The following DOCK1 variants were observed in gnomAD, a reference collection of about 807,000 sequenced individuals.
DOCK1 encodes the protein dedicator of cytokinesis 1.
A neutral mutation model predicts 262.7 loss-of-function variants in DOCK1; 138 were observed. The ratio of observed to expected loss-of-function variants is 0.53; its 90% CI spans 0.46 to 0.61. DOCK1 has a LOEUF of 0.61. Ranked by LOEUF, DOCK1 falls within the 20% of genes least tolerant of loss-of-function variation. The pLI is 0.00. For synonymous variants in DOCK1, 866 were observed against 867.4 expected, an observed-to-expected ratio of 1.00 and a Z score of 0.03; for missense variants, 1,908 against 2,370.7, an observed-to-expected ratio of 0.80 and a Z score of 4.05.
intron 48 of DOCK1, among the ~76,000 whole-genome samples, chr10:127,433,900 G>A (rs1371848057): frequency 6.6e-6 from 1 of 151,668 alleles, no homozygotes. Flanking sequence ...TGTGGCCCAA[G>A]ACAATTCTTC....
intron 46 of DOCK1, among the ~76,000 whole-genome samples, chr10:127,422,719 G>A (rs966643904): frequency 1.3e-5 from 2 of 152,164 alleles, no homozygotes; most frequent in African/African-American, 4.8e-5. Context: ...AAAAAAGTGG[G>A]AGAGAGTTTA....
At chr10:127,238,469 T>C (rs1296653014) in intron 27 of DOCK1, among the ~76,000 whole-genome samples, 1 of 152,112 alleles carries the variant, frequency 6.6e-6, no homozygotes, top group Admixed American at 6.5e-5. Context: ...GTTGAAACCT[T>C]CAGTTATCAA....
At chr10:126,943,261 AAAAC>A (rs1369842987) in intron 1 of DOCK1, among the ~76,000 whole-genome samples, 1 of 152,226 alleles carries the variant, frequency 6.6e-6, no homozygotes, top group African/African-American at 2.4e-5. Flanking sequence ...TCAAAAAATA[AAAAC>A]AAACAAATGA....
At chr10:127,044,184 AC>A (rs1005500411) in intron 21 of DOCK1, among the ~76,000 whole-genome samples, 3 of 152,172 alleles carry the variant, frequency 2.0e-5, no homozygotes, top group Non-Finnish European at 4.4e-5. Context: ...TCTTCAACAT[AC>A]TTTGCAAAAT....
intron 27 of DOCK1, chr10:127,138,161 A>C (rs926258074): frequency 2.8e-6 from 2 of 723,184 alleles, no homozygotes; most frequent in African/African-American, 1.8e-5. Flanking sequence ...TCGATATACT[A>C]TGTTTTAGCT....
At chr10:126,916,968 G>T (rs1591304057) in intron 1 of DOCK1, among the ~76,000 whole-genome samples, 1 of 144,242 alleles carries the variant, frequency 6.9e-6, no homozygotes, top group South Asian at 2.4e-4. Flanking sequence ...AGAGAGACAG[G>T]TGGGAGCTGT....
chr10:127,195,482 C>T (rs1403443175), intron 27 of DOCK1, among the ~76,000 whole-genome samples: 1 of 152,190 alleles, frequency 6.6e-6, no homozygotes, highest in Admixed American at 6.5e-5. Flanking sequence ...GCTCGCGCCT[C>T]TCCTCAACGG....
intron 7 of DOCK1, chr10:126,997,769 T>C: frequency 3.4e-6 from 1 of 290,372 alleles, no homozygotes; most frequent in South Asian, 4.6e-5. Context: ...CAGATGTCCT[T>C]GGAGGGTTTA....
chr10:127,099,839 C>G (rs1446948449), intron 23 of DOCK1, among the ~76,000 whole-genome samples: 1 of 152,230 alleles, frequency 6.6e-6, no homozygotes, highest in South Asian at 2.1e-4. Flanking sequence ...GTGTCCTGGA[C>G]GAAATGATGT....
At chr10:127,301,812 G>T (rs1267403574) in intron 29 of DOCK1, among the ~76,000 whole-genome samples, 1 of 152,030 alleles carries the variant, frequency 6.6e-6, no homozygotes, top group African/African-American at 2.4e-5. Flanking sequence ...TGGGCATGGT[G>T]GCGGGTGCCT....
At chr10:127,108,631 G>C (rs769629479) in intron 24 of DOCK1, among the ~76,000 whole-genome samples, 1 of 152,162 alleles carries the variant, frequency 6.6e-6, no homozygotes, top group Non-Finnish European at 1.5e-5. Context: ...ATCAGCTCCT[G>C]CACTTAAGAC....
chr10:127,077,269 C>T (rs750210745), intron 23 of DOCK1, among the ~76,000 whole-genome samples: 1 of 151,936 alleles, frequency 6.6e-6, no homozygotes, highest in Non-Finnish European at 1.5e-5. Flanking sequence ...GTGGTGGGCT[C>T]CTGTAATCCT....
chr10:127,121,334 A>G (rs556156563), intron 25 of DOCK1, among the ~76,000 whole-genome samples: 1 of 151,302 alleles, frequency 6.6e-6, no homozygotes, highest in East Asian at 2.0e-4. Flanking sequence ...CATTTTGTCC[A>G]TGGGAAAAGT....
At chr10:127,387,047 GGGC>G (rs1202516015) in intron 38 of DOCK1, among the ~76,000 whole-genome samples, 7 of 151,218 alleles carry the variant, frequency 4.6e-5, no homozygotes, top group African/African-American at 9.8e-5. Flanking sequence ...GGGCAGGGCA[GGGC>G]AGGAGGCAGG....
chr10:127,233,797 A>G (rs761864761), intron 27 of DOCK1, among the ~76,000 whole-genome samples: 1 of 152,248 alleles, frequency 6.6e-6, no homozygotes, highest in Non-Finnish European at 1.5e-5. Context: ...TAATTTTATT[A>G]TAGTTTGACC....
chr10:127,166,538 G>T (rs1026086219), intron 27 of DOCK1, among the ~76,000 whole-genome samples: 2 of 152,148 alleles, frequency 1.3e-5, no homozygotes, highest in African/African-American at 4.8e-5. Context: ...CTTCCTCATG[G>T]AGGGCATTCC....
chr10:127,089,850 T>C (rs2047413722), intron 23 of DOCK1, among the ~76,000 whole-genome samples: 1 of 152,252 alleles, frequency 6.6e-6, no homozygotes, highest in Non-Finnish European at 1.5e-5. Flanking sequence ...GCAATACTTT[T>C]AGTTCCATAA....
intron 33 of DOCK1, among the ~76,000 whole-genome samples, chr10:127,364,003 C>T (rs1590708128): frequency 6.6e-6 from 1 of 152,182 alleles, no homozygotes; most frequent in African/African-American, 2.4e-5. Flanking sequence ...CTGTACAATC[C>T]CTAGCACGGT....
Position 127,402,699 on chromosome 10 carries a change from G to A in DOCK1, c.3928-356G>A, listed in dbSNP as rs369940374. 6.5e-4 allele frequency: 346 copies of A among 529,128 alleles called. 1 individual carries two copies. The highest frequency in any genetic ancestry group is 5.7e-3 in the African/African-American group (301 of 52,504). The allele number at this position is 529,128 out of a possible 1,614,324, so 32.8% of individuals were successfully genotyped here. ...ACCCCACAGCCTCTCTTCACCCTAC[G>A]GTTCCTTTTCCCTGGCTCCAAGGCT... is the stretch of plus-strand genomic sequence containing the variant. On this transcript the variant is annotated intron_variant, in intron 38 of 51. Transcript: ENST00000623213.
Sources: allele counts gnomAD v4.1 joint callset (sites outside exome capture counted in the v4.1 genomes callset), GRCh38; gene constraint gnomAD v4.1.1; transcripts MANE v1.5; gene names NCBI Gene and HGNC (gene_info 2026-07-23, HGNC 2026-07-21).